The following ADK variants were observed in gnomAD, a reference collection of about 807,000 sequenced individuals.
The protein encoded by ADK is adenosine kinase.
ADK carries 24 observed loss-of-function variants against 44.7 expected under a neutral mutation model. That is an observed-to-expected ratio of 0.54 (90% CI 0.39 to 0.76). The LOEUF (loss-of-function observed/expected upper bound fraction) is 0.76, where lower values mean the gene tolerates loss of function less well. Ranked by LOEUF, ADK falls within the 30% of genes least tolerant of loss-of-function variation. The pLI is 0.00. For missense variants in ADK, 321 were observed against 425.1 expected (o/e 0.76, Z 2.15); for synonymous variants, 128 against 142.6 (o/e 0.90, Z 0.73).
At chr10:74,233,827 C>CA (rs754085203) in intron 3 of ADK, among the ~76,000 whole-genome samples, 1 of 152,088 alleles carries the variant, frequency 6.6e-6, no homozygotes, top group African/African-American at 2.4e-5. Flanking sequence ...TCAACAATAA[C>CA]AAAAAAGGAT....
intron 9 of ADK, among the ~76,000 whole-genome samples, chr10:74,658,458 A>G (rs1032328030): frequency 6.6e-5 from 10 of 151,924 alleles, no homozygotes; most frequent in African/African-American, 2.4e-4. Context: ...TTGATGTAGG[A>G]TCTCCCTCTG....
At chr10:74,677,590 A>G (rs1855437297) in intron 10 of ADK, among the ~76,000 whole-genome samples, 1 of 152,144 alleles carries the variant, frequency 6.6e-6, no homozygotes, top group Admixed American at 6.5e-5. Flanking sequence ...CAACTTGGTA[A>G]GTGTTGAATA....
chr10:74,367,777 T>G (rs1318111322), intron 4 of ADK, among the ~76,000 whole-genome samples: 1 of 152,222 alleles, frequency 6.6e-6, no homozygotes, highest in Non-Finnish European at 1.5e-5. Flanking sequence ...TTTTTGTTGT[T>G]GATTTTTCTG....
At chr10:74,537,978 CA>C (rs1358520169) in intron 7 of ADK, among the ~76,000 whole-genome samples, 1 of 151,936 alleles carries the variant, frequency 6.6e-6, no homozygotes, top group Non-Finnish European at 1.5e-5. Context: ...TAATATAGGC[CA>C]GGTGCAGTGG....
chr10:74,294,247 G>T (rs1365056484), intron 3 of ADK, among the ~76,000 whole-genome samples: 1 of 151,194 alleles, frequency 6.6e-6, no homozygotes, highest in Non-Finnish European at 1.5e-5. Flanking sequence ...ACATTCTTGG[G>T]TGTGTCTTTT....
rs1257155844 is a variant in ADK at position 74,200,793 on chromosome 10, C to G, written c.95C>G (p.Pro32Arg). The G allele has an allele frequency of 6.2e-7, 1 of 1,611,460 alleles. No individual in the cohort carries two copies. The highest frequency in any genetic ancestry group is 8.5e-7 in the Non-Finnish European group (1 of 1,178,322). The change falls in exon 2 of 11, where the codon CCT (proline) becomes CGT (arginine). Residue 32 changes from proline (P) to arginine (R), a missense_variant. Coordinates refer to ENST00000539909, the MANE Select transcript of ADK (RefSeq NM_006721.4). ...RENILFGMGNPLLDISAVVDK... is the reference protein window; with the variant it reads ...RENILFGMGNRLLDISAVVDK... ...AATATTCTCTTTGGAATGGGAAATC[C>G]TCTGCTTGACATCTCTGCTGTAGTG...
chr10:74,175,001 A>T (rs1442433730), intron 1 of ADK, among the ~76,000 whole-genome samples: 6 of 152,338 alleles, frequency 3.9e-5, no homozygotes, highest in African/African-American at 1.4e-4. Flanking sequence ...TATCACAGGG[A>T]CAGTGATAGG....
At chr10:74,554,090 A>T (rs994339998) in intron 7 of ADK, among the ~76,000 whole-genome samples, 10 of 152,140 alleles carry the variant, frequency 6.6e-5, no homozygotes, top group African/African-American at 2.4e-4. Context: ...AACCAAAGTG[A>T]TTTCCCATGG....
chr10:74,163,765 A>G (rs1051194103), intron 1 of ADK, among the ~76,000 whole-genome samples: 1 of 152,266 alleles, frequency 6.6e-6, no homozygotes, highest in African/African-American at 2.4e-5. Context: ...TTGAGGAAAC[A>G]AATTGAAATA....
At chr10:74,351,271 C>T (rs1841955225) in intron 4 of ADK, among the ~76,000 whole-genome samples, 2 of 152,120 alleles carry the variant, frequency 1.3e-5, no homozygotes, top group African/African-American at 4.8e-5. Flanking sequence ...TCAACATACG[C>T]AAATCAATAA....
chr10:74,171,818 G>GTGTC (rs1564570885), intron 1 of ADK, among the ~76,000 whole-genome samples: 5 of 146,282 alleles, frequency 3.4e-5, no homozygotes, highest in Non-Finnish European at 7.7e-5. Context: ...CTCTGTGTGT[G>GTGTC]TGTGTGTGTG....
At chr10:74,511,702 A>G (rs1377154257) in intron 6 of ADK, among the ~76,000 whole-genome samples, 5 of 152,144 alleles carry the variant, frequency 3.3e-5, no homozygotes, top group Non-Finnish European at 7.4e-5. Context: ...GTTTTTTGGT[A>G]GAGTCTTTAG....
At position 74,699,335 on chromosome 10, in the gene ADK, C is replaced by T. The variant is rs537021147; in HGVS notation, c.965-8986C>T. Among the ~76,000 whole-genome samples the T allele has an allele frequency of 3.8e-3, 565 of 148,184 alleles. 3 individuals are homozygous for T. Among genetic ancestry groups the T allele is most frequent in the South Asian group, 0.017 (80 of 4,684 alleles). ...TATTGTTATTGTTGGTTTTTTTTTT[C>T]GAAAAACACTTTATTGGAATAATAT... On this transcript the variant is annotated intron_variant, in intron 10 of 10. Transcript: ENST00000539909.
chr10:74,394,386 G>A, intron 5 of ADK, 73 bp downstream of exon 5: 1 of 1,433,970 alleles, frequency 7.0e-7, no homozygotes, highest in South Asian at 1.2e-5. Flanking sequence ...ATTCCAATGT[G>A]AATTTGGAAT....
intron 10 of ADK, among the ~76,000 whole-genome samples, chr10:74,674,700 G>A (rs1855318405): frequency 1.3e-5 from 2 of 152,126 alleles, no homozygotes; most frequent in Admixed American, 1.3e-4. Context: ...TGGCCAACAT[G>A]GTGAAACCCC....
intron 6 of ADK, among the ~76,000 whole-genome samples, chr10:74,463,697 T>C (rs1846252802): frequency 6.6e-6 from 1 of 152,210 alleles, no homozygotes; most frequent in Admixed American, 6.5e-5. Flanking sequence ...AATTGTGTCA[T>C]TGAATTTCTT....
chr10:74,314,704 C>G lies in ADK; in HGVS notation c.232C>G (p.His78Asp), dbSNP rs1163576169. ...ELVKKFKVEY[H>D]AGGSTQNSIK... Reference sequence around the variant, plus strand: ...TGTGAAAAAATTCAAAGTCGAATATCATGCTGGTGGCTCTACCCAGAATTC... The same window carrying G: ...TGTGAAAAAATTCAAAGTCGAATATGATGCTGGTGGCTCTACCCAGAATTC... The change falls in exon 4 of 11, where the codon CAT becomes GAT. Residue 78 changes from histidine to aspartate, a missense_variant. By Grantham distance (81) the His-to-Asp change is moderately conservative. Transcript: ENST00000539909. 1 of 1,613,058 alleles carries G rather than the reference C, an allele frequency of 6.2e-7. No individual in the cohort carries two copies. The highest frequency in any genetic ancestry group is 1.7e-5 in the Admixed American group (1 of 59,964).
intron 6 of ADK, among the ~76,000 whole-genome samples, chr10:74,432,291 T>A (rs958536860): frequency 1.3e-5 from 2 of 152,240 alleles, no homozygotes; most frequent in African/African-American, 4.8e-5. Flanking sequence ...GATTTGTTAA[T>A]ATATTCAGAC....
intron 5 of ADK, among the ~76,000 whole-genome samples, chr10:74,395,849 T>A (rs1270065374): frequency 1.3e-5 from 2 of 151,960 alleles, no homozygotes; most frequent in Non-Finnish European, 2.9e-5. Context: ...TGAAACTCCG[T>A]CTCTACTAAA....
Sources: gnomAD v4.1 joint callset for allele counts (sites outside exome capture counted in the v4.1 genomes callset) on GRCh38, gnomAD v4.1.1 for gene constraint, MANE v1.5 for transcripts, NCBI Gene and HGNC (gene_info 2026-07-23, HGNC 2026-07-21) for gene names.